The following MICU1 variants were observed in gnomAD, a reference collection of about 807,000 sequenced individuals.
MICU1 encodes mitochondrial calcium uptake 1.
A neutral mutation model predicts 56.8 loss-of-function variants in MICU1; 45 were observed. The ratio of observed to expected loss-of-function variants is 0.79; its 90% CI spans 0.62 to 1.02. The LOEUF is 1.02. MICU1 is among the 50% of genes least tolerant of loss of function. MICU1 has a pLI of 0.00. For synonymous variants in MICU1, 186 were observed against 195.1 expected (o/e 0.95, Z 0.39); for missense variants, 504 against 587.1 (o/e 0.86, Z 1.46).
chr10:72,550,168 T>C (rs1257839275), intron 4 of MICU1, among the ~76,000 whole-genome samples: 1 of 152,198 alleles, frequency 6.6e-6, no homozygotes, highest in Non-Finnish European at 1.5e-5. Flanking sequence ...ACAACGTTTA[T>C]AAAATCTACA....
chr10:72,580,469 A>T (rs533082103), intron 1 of MICU1, among the ~76,000 whole-genome samples: 2,319 of 112,014 alleles, frequency 0.021, 28 homozygotes, highest in South Asian at 0.055. Flanking sequence ...TTATTTAATT[A>T]ATTAATTTAT....
At chr10:72,517,954 A>G (rs1325026512) in intron 5 of MICU1, among the ~76,000 whole-genome samples, 1 of 151,998 alleles carries the variant, frequency 6.6e-6, no homozygotes, top group East Asian at 1.9e-4. Context: ...ATCTTATCAG[A>G]CTGGTAGTAA....
intron 1 of MICU1, among the ~76,000 whole-genome samples, chr10:72,623,166 G>A (rs927639088): frequency 3.9e-5 from 6 of 151,902 alleles, no homozygotes; most frequent in Admixed American, 6.6e-5. Context: ...AGCTACTTAC[G>A]AGGATGAGGC....
intron 8 of MICU1, among the ~76,000 whole-genome samples, chr10:72,427,039 T>C (rs1864368101): frequency 1.3e-5 from 2 of 152,222 alleles, no homozygotes; most frequent in South Asian, 4.1e-4. Flanking sequence ...CAATGAAAAT[T>C]AAAAGCCTCC....
intron 7 of MICU1, chr10:72,475,954 T>TG (rs1387155972): frequency 4.4e-6 from 2 of 453,830 alleles, no homozygotes; most frequent in Non-Finnish European, 8.9e-6. Flanking sequence ...TGACCAGGTG[T>TG]GGTGGCTCAT....
chr10:72,465,099 CA>C (rs1236417525), intron 8 of MICU1, among the ~76,000 whole-genome samples: 1 of 152,124 alleles, frequency 6.6e-6, no homozygotes. Context: ...CTCCTGGGTT[CA>C]AATGATTCTC....
intron 5 of MICU1, among the ~76,000 whole-genome samples, chr10:72,513,338 G>C (rs1236277191): frequency 6.6e-6 from 1 of 151,934 alleles, no homozygotes; most frequent in Admixed American, 6.6e-5. Context: ...TGTGCTTTTT[G>C]ACCATCTGTA....
chr10:72,543,268 T>C (rs565367196), intron 4 of MICU1, among the ~76,000 whole-genome samples: 1 of 152,316 alleles, frequency 6.6e-6, no homozygotes, highest in Non-Finnish European at 1.5e-5. Context: ...CTTATCTTGT[T>C]TGGAAAAAAA....
At chr10:72,429,431 A>AAG (rs1368692867) in intron 8 of MICU1, among the ~76,000 whole-genome samples, 15 of 151,880 alleles carry the variant, frequency 9.9e-5, no homozygotes, top group Middle Eastern at 3.4e-3. Context: ...AAAAAAAAAA[A>AAG]AAAAGAAAAA....
chr10:72,532,019 C>CA (rs1217878093), intron 5 of MICU1, among the ~76,000 whole-genome samples: 1 of 150,478 alleles, frequency 6.6e-6, no homozygotes, highest in Non-Finnish European at 1.5e-5. Context: ...TCCAAATAAC[C>CA]AAAAAAAGTT....
intron 9 of MICU1, among the ~76,000 whole-genome samples, chr10:72,410,600 C>A (rs987752296): frequency 1.3e-5 from 2 of 152,150 alleles, no homozygotes; most frequent in African/African-American, 4.8e-5. Flanking sequence ...GTCTGGGCAA[C>A]AAGAGGGAAA....
rs1203836203 is a variant in MICU1, at chr10:72,368,182, T to C, written c.*13A>G. On this transcript the variant is annotated 3_prime_UTR_variant, in exon 12 of 12. Transcript: ENST00000361114. The stretch of plus-strand genomic sequence containing the variant: ...GTACTGGGGGTGGAGGGGTCCCCTC[T>C]TGCAGTGTGGGGTTACTGTTTGGGT... The C allele has an allele frequency of 6.2e-7, 1 of 1,607,080 alleles. No homozygotes were observed. Among genetic ancestry groups the C allele is most frequent in the Admixed American group, 1.7e-5 (1 of 59,624 alleles).
intron 1 of MICU1, chr10:72,582,889 T>C (rs1414597688): frequency 6.6e-6 from 1 of 151,812 alleles, no homozygotes; most frequent in Non-Finnish European, 1.5e-5. Context: ...TTCTGGGCTA[T>C]AGTGTGCTAC....
intron 6 of MICU1, among the ~76,000 whole-genome samples, chr10:72,491,454 A>G (rs1866652465): frequency 6.6e-6 from 1 of 152,158 alleles, no homozygotes; most frequent in South Asian, 2.1e-4. Context: ...CCTCTCTCCC[A>G]TGGATTCATA....
intron 9 of MICU1, among the ~76,000 whole-genome samples, chr10:72,419,928 G>GT (rs1387293084): frequency 6.6e-6 from 1 of 152,194 alleles, no homozygotes; most frequent in East Asian, 1.9e-4. Flanking sequence ...CTGGTGAAAG[G>GT]TAATTGAATC....
At chr10:72,377,972 A>G (rs1350807874) in intron 10 of MICU1, among the ~76,000 whole-genome samples, 1 of 152,096 alleles carries the variant, frequency 6.6e-6, no homozygotes, top group East Asian at 1.9e-4. Flanking sequence ...TTCCCAGGCC[A>G]GGCGTGGTGG....
At position 72,387,771 on chromosome 10, in the gene MICU1, C is replaced by CTT. The variant is rs61286167; in HGVS notation, c.1181-11901_1181-11900dup. Among the ~76,000 whole-genome samples the CTT allele has an allele frequency of 4.4e-3, 617 of 139,262 alleles. 1 individual carries two copies. The highest frequency in any genetic ancestry group is 0.011 in the Middle Eastern group (3 of 262). 91.4% of individuals were successfully genotyped at this position (139,262 alleles called of 152,430 possible). A position where few individuals can be genotyped will look rare whatever the true frequency, so the allele number is the denominator to read the frequency against. On this transcript the variant is annotated intron_variant, in intron 10 of 11. Coordinates refer to ENST00000361114, the MANE Select transcript of MICU1 (RefSeq NM_001195518.2). The stretch of plus-strand genomic sequence containing the variant: ...AGAGAACAAAGAGCCTTATCTGGTG[C>CTT]TTTTTTTTTTTTAAGGATGATTTAA...
At chr10:72,396,800 T>C (rs542805056) in intron 10 of MICU1, among the ~76,000 whole-genome samples, 1 of 152,296 alleles carries the variant, frequency 6.6e-6, no homozygotes, top group South Asian at 2.1e-4. Flanking sequence ...AGACCAAATC[T>C]ACATTTGATT....
chr10:72,583,367 G>A (rs1007967034), intron 1 of MICU1, among the ~76,000 whole-genome samples: 3 of 150,274 alleles, frequency 2.0e-5, no homozygotes, highest in Non-Finnish European at 2.9e-5. Context: ...TGCAACTTCC[G>A]CCTCGCAGGT....
Sources: allele counts gnomAD v4.1 joint callset (sites outside exome capture counted in the v4.1 genomes callset), GRCh38; gene constraint gnomAD v4.1.1; transcripts MANE v1.5; gene names NCBI Gene and HGNC (gene_info 2026-07-23, HGNC 2026-07-21).